DAB1: variants seen among roughly 807,000 people sequenced by gnomAD.
DAB1 encodes the protein disabled homolog 1.
In DAB1, 15 loss-of-function variants were observed where a neutral mutation model predicts 64.6. The observed-to-expected ratio is 0.23, with a 90% CI of 0.16 to 0.36. DAB1 has a LOEUF of 0.36. Among genes scored for constraint, DAB1 ranks in the 10% least tolerant of loss-of-function variants. The pLI is 1.00. For synonymous variants in DAB1, 235 were observed against 251.9 expected, an observed-to-expected ratio of 0.93 and a Z score of 0.64; for missense variants, 596 against 706.7, an observed-to-expected ratio of 0.84 and a Z score of 1.78.
At chr1:57,222,912 C>T (rs1437824666) in intron 2 of DAB1, among the ~76,000 whole-genome samples, 1 of 152,124 alleles carries the variant, frequency 6.6e-6, no homozygotes, top group Admixed American at 6.5e-5. Flanking sequence ...CATACTTTAT[C>T]ATTAATACCA....
intron 9 of DAB1, chr1:57,033,588 G>C: frequency 6.2e-7 from 1 of 1,608,694 alleles, no homozygotes; most frequent in Non-Finnish European, 8.5e-7. Context: ...AAGTGGAAGG[G>C]ATGATGAATG....
intron 5 of DAB1, among the ~76,000 whole-genome samples, chr1:57,956,503 G>C (rs1399693806): frequency 6.6e-6 from 1 of 152,178 alleles, no homozygotes. Flanking sequence ...TAAAGGTACA[G>C]AAGGCCACTT....
intron 1 of DAB1, among the ~76,000 whole-genome samples, chr1:57,313,549 G>C (rs12402993): frequency 6.6e-6 from 1 of 151,878 alleles, no homozygotes; most frequent in African/African-American, 2.4e-5. Flanking sequence ...AGTTGGCCCC[G>C]GTCTGGCCAT....
intron 1 of DAB1, among the ~76,000 whole-genome samples, chr1:57,356,442 T>G (rs1053646843): frequency 6.6e-6 from 1 of 152,058 alleles, no homozygotes; most frequent in Non-Finnish European, 1.5e-5. Flanking sequence ...AACTGTTGTT[T>G]TATGCTTTTG....
intron 7 of DAB1, among the ~76,000 whole-genome samples, chr1:57,627,745 C>T (rs1645940269): frequency 6.6e-6 from 1 of 152,166 alleles, no homozygotes; most frequent in Non-Finnish European, 1.5e-5. Flanking sequence ...ACTCCATAGC[C>T]CATGCTGTTT....
chr1:58,118,493 T>TAC (rs1261051858), intron 5 of DAB1, among the ~76,000 whole-genome samples: 35 of 83,966 alleles, frequency 4.2e-4, no homozygotes, highest in African/African-American at 1.8e-3. Context: ...TATATATATA[T>TAC]ATATATATAT....
chr1:57,660,153 C>G (rs142113987), intron 6 of DAB1, among the ~76,000 whole-genome samples: 238 of 152,160 alleles, frequency 1.6e-3, no homozygotes, highest in African/African-American at 5.1e-3. Flanking sequence ...TAGATAATAT[C>G]TAACCCAATA....
chr1:57,118,411 A>T (rs977876103), intron 4 of DAB1, among the ~76,000 whole-genome samples: 1 of 152,220 alleles, frequency 6.6e-6, no homozygotes, highest in African/African-American at 2.4e-5. Context: ...AGCATATCCC[A>T]GTTAAGGTGA....
chr1:57,219,438 T>C (rs1666690854), intron 2 of DAB1, among the ~76,000 whole-genome samples: 2 of 152,186 alleles, frequency 1.3e-5, no homozygotes, highest in African/African-American at 2.4e-5. Flanking sequence ...CTTTCAAATC[T>C]ATTTATTTAG....
At chr1:58,494,811 A>C (rs1303573468) in intron 3 of DAB1, among the ~76,000 whole-genome samples, 1 of 152,206 alleles carries the variant, frequency 6.6e-6, no homozygotes, top group Admixed American at 6.5e-5. Flanking sequence ...ACACCTTTAC[A>C]CTGTTGGTGG....
chr1:57,098,701 G>A (rs986155265), intron 4 of DAB1, among the ~76,000 whole-genome samples: 13 of 151,988 alleles, frequency 8.6e-5, no homozygotes, highest in South Asian at 4.2e-4. Context: ...TAATTCTACC[G>A]GACTATGAAG....
rs1322038163 is a variant in DAB1, at chr1:57,291,005, A to G, written c.26T>C (p.Val9Ala). The change falls in exon 2 of 15, where the codon GTA (valine) becomes GCA (alanine). Residue 9 changes from valine (V) to alanine (A), a missense_variant. By Grantham distance (64) the Val-to-Ala change is moderately conservative. Around this residue, in one of 3 missense-constraint regions of DAB1, gnomAD observed 43 missense variants for 39.6 expected, o/e 1.09. Transcript: ENST00000371236. Reference sequence around the variant, plus strand: ...TTTCTTGGCGCTGGTTTTCACAGCTACTTGAAGTTCTGTCTCAGTTGACAT... The same window carrying G: ...TTTCTTGGCGCTGGTTTTCACAGCTGCTTGAAGTTCTGTCTCAGTTGACAT... The part of the protein sequence containing the change: MSTETELQ[V>A]AVKTSAKKDS... 5 of 1,612,054 alleles carry G rather than the reference A, an allele frequency of 3.1e-6. No individual in the cohort carries two copies. The highest frequency in any genetic ancestry group is 4.2e-6 in the Non-Finnish European group (5 of 1,179,036).
At chr1:57,730,570 C>G (rs1449451463) in intron 6 of DAB1, among the ~76,000 whole-genome samples, 1 of 152,076 alleles carries the variant, frequency 6.6e-6, no homozygotes, top group Non-Finnish European at 1.5e-5. Flanking sequence ...CATTATAAAC[C>G]AAGGTCAGTG....
At chr1:58,511,899 C>CA (rs200597846) in intron 2 of DAB1, among the ~76,000 whole-genome samples, 3,777 of 152,084 alleles carry the variant, frequency 0.025, 139 homozygotes, top group Admixed American at 0.096. Context: ...GCACGGGAAA[C>CA]AAAAGGCAAA....
chr1:58,065,501 G>A (rs1557634360), intron 5 of DAB1, among the ~76,000 whole-genome samples: 1 of 152,082 alleles, frequency 6.6e-6, no homozygotes, highest in Non-Finnish European at 1.5e-5. Context: ...TGGGTGTGAG[G>A]GGAAACAAGC....
At chr1:57,623,871 A>G (rs959820382) in intron 7 of DAB1, among the ~76,000 whole-genome samples, 3 of 152,222 alleles carry the variant, frequency 2.0e-5, no homozygotes, top group Non-Finnish European at 2.9e-5. Context: ...AGGTCCAGAT[A>G]GCATGCTTCC....
At chr1:58,511,196 G>C (rs1646071491) in intron 2 of DAB1, among the ~76,000 whole-genome samples, 1 of 152,138 alleles carries the variant, frequency 6.6e-6, no homozygotes, top group Admixed American at 6.5e-5. Context: ...AGTAAGACTA[G>C]AGGCATCATG....
At chr1:57,352,394 A>G (rs1458035150) in intron 1 of DAB1, among the ~76,000 whole-genome samples, 2 of 152,196 alleles carry the variant, frequency 1.3e-5, no homozygotes, top group Admixed American at 6.5e-5. Flanking sequence ...ATAATCTAAA[A>G]CTACTTTTAC....
intron 3 of DAB1, among the ~76,000 whole-genome samples, chr1:58,379,085 T>G (rs879447862): frequency 4.0e-5 from 6 of 151,564 alleles, no homozygotes; most frequent in Non-Finnish European, 7.4e-5. Flanking sequence ...TGTCTGGCAC[T>G]CCCTAGTGAG....
Sources: allele counts gnomAD v4.1 joint callset (sites outside exome capture counted in the v4.1 genomes callset), GRCh38; gene constraint gnomAD v4.1.1; regional missense constraint gnomAD v4.1.1; transcripts MANE v1.5; gene names NCBI Gene and HGNC (gene_info 2026-07-23, HGNC 2026-07-21).